RAPGEF1: variants seen among roughly 807,000 people sequenced by gnomAD.
The protein encoded by RAPGEF1 is CRK SH3-binding GNRP.
RAPGEF1 carries 33 observed loss-of-function variants against 143.3 expected under a neutral mutation model. That is an observed-to-expected ratio of 0.23 (90% CI 0.17 to 0.31). The LOEUF (loss-of-function observed/expected upper bound fraction) is 0.31. RAPGEF1 is among the 10% of genes least tolerant of loss of function. The pLI, the probability that RAPGEF1 is intolerant of heterozygous loss-of-function variation, is 1.00. For missense variants in RAPGEF1, 1,199 were observed against 1,645.4 expected (o/e 0.73, Z 4.69); for synonymous variants, 629 against 676.5 (o/e 0.93, Z 1.09).
intron 1 of RAPGEF1, among the ~76,000 whole-genome samples, chr9:131,686,825 G>A (rs7850349): frequency 0.023 from 3,437 of 152,200 alleles, 150 homozygotes; most frequent in African/African-American, 0.079. Context: ...GTAAGAAACC[G>A]GGTTTCAGTG....
intron 1 of RAPGEF1, among the ~76,000 whole-genome samples, chr9:131,718,358 A>G (rs903490909): frequency 1.3e-5 from 2 of 152,186 alleles, no homozygotes; most frequent in African/African-American, 4.8e-5. Context: ...TGTGTGGGGA[A>G]GCCCCAGGCA....
chr9:131,716,229 C>T (rs1165528384), intron 1 of RAPGEF1, among the ~76,000 whole-genome samples: 1 of 152,188 alleles, frequency 6.6e-6, no homozygotes, highest in Non-Finnish European at 1.5e-5. Flanking sequence ...CTGTCCCTTG[C>T]TTCAGATTTC....
intron 1 of RAPGEF1, among the ~76,000 whole-genome samples, chr9:131,660,502 C>T (rs1973750231): frequency 1.3e-5 from 2 of 151,338 alleles, no homozygotes; most frequent in Admixed American, 6.6e-5. Context: ...CAGTTAATGG[C>T]TGCATGATGC....
rs1444727718 is a variant in RAPGEF1, at chr9:131,655,001, C to T, written c.62-4052G>A. 2.0e-5 allele frequency among the ~76,000 whole-genome samples: 3 copies of T among 152,124 alleles called. No homozygotes were observed. The highest frequency in any genetic ancestry group is 3.2e-3 in the Middle Eastern group (1 of 316). ...GTCAAGTTTTTCCAGCAATTTAGTA[C>T]AACAAAACAAACCAGAAAACCAAAC... On this transcript the variant is annotated intron_variant, in intron 1 of 26. Transcript: ENST00000683357. This position sits in a 1 kb window ranked among gnomAD's most constrained non-coding sequence, Gnocchi z 4.1.
Position 131,579,590 on chromosome 9 carries a change from G to A in RAPGEF1, c.3699C>T (p.Asp1233=). Residue 1233 remains aspartate (D), a synonymous_variant, in exon 27 of 27, where the codon GAC becomes GAT. Transcript: ENST00000683357. ...CCCATAGGGCCTCCTCAGCCAGGTG[G>A]TCACTGAAGTCATTGAAGAAGTTTA... is the stretch of plus-strand genomic sequence containing the variant. ...DIINFFNDFS[D]HLAEEALWEL... 1 of 1,614,044 alleles carries A rather than the reference G, an allele frequency of 6.2e-7. No individual in the cohort carries two copies.
At chr9:131,582,756 A>C in intron 24 of RAPGEF1, 54 bp from the exon 25 acceptor site, 2 of 1,438,812 alleles carry the variant, frequency 1.4e-6, no homozygotes, top group Non-Finnish European at 1.9e-6. Context: ...TGCTGGGGCA[A>C]TGCTGGGGCA....
chr9:131,656,670 A>G (rs1972554329), intron 1 of RAPGEF1, among the ~76,000 whole-genome samples: 1 of 152,204 alleles, frequency 6.6e-6, no homozygotes. Context: ...AAGATTCACA[A>G]CTGCGCCGTC....
Position 131,583,984 on chromosome 9 carries a change from G to A in RAPGEF1, c.3414+327C>T, listed in dbSNP as rs1564446570. On this transcript the variant is annotated intron_variant, in intron 24 of 26. Coordinates refer to ENST00000683357, the MANE Select transcript of RAPGEF1 (RefSeq NM_001377935.1). The surrounding 1 kb of genome is among the most constrained non-coding windows in gnomAD (Gnocchi z 4.7). Reference sequence around the variant, plus strand: ...GTCCCCAGCACCTACCGCAGTGCCCGGCCCGAAGCAGACCCTTCAGAAGAA... The same window carrying A: ...GTCCCCAGCACCTACCGCAGTGCCCAGCCCGAAGCAGACCCTTCAGAAGAA... 1.3e-5 allele frequency among the ~76,000 whole-genome samples: 2 copies of A among 152,210 alleles called. No individual in the cohort carries two copies. Among genetic ancestry groups the A allele is most frequent in the South Asian group, 2.1e-4 (1 of 4,822 alleles).
chr9:131,644,393 TA>T (rs34822352), intron 3 of RAPGEF1, among the ~76,000 whole-genome samples: 31,335 of 137,132 alleles, frequency 0.23, 3,798 homozygotes, highest in Non-Finnish European at 0.3. Context: ...GGCTGTCCTT[TA>T]AAAAAAAAAA....
chr9:131,623,291 G>A (rs538171469), intron 10 of RAPGEF1, among the ~76,000 whole-genome samples: 78 of 151,818 alleles, frequency 5.1e-4, no homozygotes, highest in Non-Finnish European at 8.5e-4. Context: ...TGAGACCCCC[G>A]TCTCTAAAAA....
intron 10 of RAPGEF1, among the ~76,000 whole-genome samples, chr9:131,623,394 G>C (rs1392967171): frequency 6.6e-6 from 1 of 152,198 alleles, no homozygotes; most frequent in African/African-American, 2.4e-5. Flanking sequence ...TTGAACCCAG[G>C]AGTTCAAGGT....
chr9:131,650,944 G>C lies in RAPGEF1; in HGVS notation c.67C>G (p.Gln23Glu). Reference protein sequence around the residue: ...MSGKIEKADSQRSHLSSFTMK... With the variant: ...MSGKIEKADSERSHLSSFTMK... Reference sequence around the variant, plus strand: ...GTGAAGGAAGAGAGATGAGAACGCTGAGAGTCTGAAAACAAAGAGGGTACT... The same window carrying C: ...GTGAAGGAAGAGAGATGAGAACGCTCAGAGTCTGAAAACAAAGAGGGTACT... The change falls in exon 2 of 27, where the codon CAG (glutamine) becomes GAG (glutamate). Residue 23 changes from glutamine to glutamate, a missense_variant. Physicochemically the swap from Gln to Glu is conservative, Grantham distance 29. Transcript: ENST00000683357. The surrounding 1 kb of genome is among the most constrained non-coding windows in gnomAD (Gnocchi z 4.7). 9.3e-6 allele frequency: 15 copies of C among 1,613,760 alleles called. No individual in the cohort carries two copies. Among genetic ancestry groups the C allele is most frequent in the Non-Finnish European group, 1.3e-5 (15 of 1,179,760 alleles).
chr9:131,666,550 C>T (rs1830472156), intron 1 of RAPGEF1, among the ~76,000 whole-genome samples: 1 of 151,990 alleles, frequency 6.6e-6, no homozygotes, highest in African/African-American at 2.4e-5. Flanking sequence ...CCACGCCTGG[C>T]TAATTTTTGA....
chr9:131,686,082 G>C (rs914389566), intron 1 of RAPGEF1, among the ~76,000 whole-genome samples: 1 of 152,124 alleles, frequency 6.6e-6, no homozygotes, highest in African/African-American at 2.4e-5. Flanking sequence ...TTTTTACAAC[G>C]TAGTACCTGA....
chr9:131,598,767 C>A (rs12004106), intron 15 of RAPGEF1, among the ~76,000 whole-genome samples: 2,687 of 152,018 alleles, frequency 0.018, 79 homozygotes, highest in African/African-American at 0.061. Flanking sequence ...GTGAACCAAG[C>A]AGACATAGCC....
In RAPGEF1 at chr9:131,584,148, C is replaced by T. The variant is rs993340594; in HGVS notation, c.3414+163G>A. On this transcript the variant is annotated intron_variant, in intron 24 of 26. Coordinates refer to ENST00000683357, the MANE Select transcript of RAPGEF1 (RefSeq NM_001377935.1). This position sits in a 1 kb window ranked among gnomAD's most constrained non-coding sequence, Gnocchi z 6.8. ...AGATTGGGGATCAGAGACAGGAAGG[C>T]GGGAGGGCAGCTGTTCTGGTCACAC... Among the ~76,000 whole-genome samples, 50 of 152,182 alleles carry T rather than the reference C, an allele frequency of 3.3e-4. 1 individual carries two copies. Among genetic ancestry groups the T allele is most frequent in the African/African-American group, 8.2e-4 (34 of 41,446 alleles).
chr9:131,722,915 C>A (rs1027351405), intron 1 of RAPGEF1, among the ~76,000 whole-genome samples: 1 of 151,516 alleles, frequency 6.6e-6, no homozygotes, highest in Non-Finnish European at 1.5e-5. Context: ...GGGCGGGGGG[C>A]AGGCATGGTG....
intron 1 of RAPGEF1, among the ~76,000 whole-genome samples, chr9:131,699,367 C>T (rs1455671945): frequency 2.0e-5 from 3 of 151,990 alleles, no homozygotes; most frequent in African/African-American, 7.3e-5. Context: ...GCCTCAGCCT[C>T]CTGAATAGCA....
At chr9:131,615,103 T>C (rs561362960) in intron 12 of RAPGEF1, among the ~76,000 whole-genome samples, 5 of 152,174 alleles carry the variant, frequency 3.3e-5, no homozygotes, top group Non-Finnish European at 4.4e-5. Flanking sequence ...GACGGAGTCT[T>C]GCTCTGTTGC....
Sources: gnomAD v4.1 joint callset for allele counts (sites outside exome capture counted in the v4.1 genomes callset) on GRCh38, gnomAD v4.1.1 for gene constraint, Gnocchi (gnomAD v3.1) non-coding constraint, MANE v1.5 for transcripts, NCBI Gene and HGNC (gene_info 2026-07-23, HGNC 2026-07-21) for gene names.